The following ADARB2 variants were observed in gnomAD, a reference collection of about 807,000 sequenced individuals.
ADARB2 encodes adenosine deaminase RNA specific B2 (inactive).
Under a neutral mutation model 62.2 loss-of-function variants are expected in ADARB2, and 25 were observed. The ratio of observed to expected loss-of-function variants is 0.40; its 90% CI spans 0.29 to 0.56. The LOEUF (loss-of-function observed/expected upper bound fraction) is 0.56, where lower values mean the gene tolerates loss of function less well. ADARB2 is among the 20% of genes least tolerant of loss of function. The pLI is 0.43. For synonymous variants in ADARB2, 572 were observed against 500.8 expected, an observed-to-expected ratio of 1.14 and a Z score of -1.90; for missense variants, 1,071 against 1,077.4, an observed-to-expected ratio of 0.99 and a Z score of 0.08.
chr10:1,602,704 C>G (rs939618787), intron 1 of ADARB2, among the ~76,000 whole-genome samples: 1 of 74,350 alleles, frequency 1.3e-5, no homozygotes, highest in South Asian at 4.1e-4. Context: ...ATACACACAT[C>G]CACACACATA....
At chr10:1,564,975 C>G (rs1056659781) in intron 1 of ADARB2, among the ~76,000 whole-genome samples, 1 of 152,202 alleles carries the variant, frequency 6.6e-6, no homozygotes, top group Non-Finnish European at 1.5e-5. Flanking sequence ...TGGCCTCGGC[C>G]GTAGACCTGC....
At chr10:1,407,213 G>A (rs996065726) in intron 1 of ADARB2, among the ~76,000 whole-genome samples, 1 of 152,126 alleles carries the variant, frequency 6.6e-6, no homozygotes, top group Non-Finnish European at 1.5e-5. Context: ...TGCTGTTCTC[G>A]GGACAGCACA....
At position 1,415,211 on chromosome 10, in the gene ADARB2, G is replaced by A. The variant is rs559727334; in HGVS notation, c.101-36051C>T. Among the ~76,000 whole-genome samples, 21 of 151,694 alleles carry A rather than the reference G, an allele frequency of 1.4e-4. No homozygotes were observed. In the South Asian group the frequency reaches 3.6e-3, roughly 26 times the overall value. The stretch of plus-strand genomic sequence containing the variant: ...TGGGTGAACAGATGGTGGATGGATG[G>A]GTGGATGGGTGGATGGATGGGAAGA... On this transcript the variant is annotated intron_variant, in intron 1 of 9. Transcript: ENST00000381312.
At chr10:1,643,244 T>C (rs1186713964) in intron 1 of ADARB2, among the ~76,000 whole-genome samples, 1 of 152,100 alleles carries the variant, frequency 6.6e-6, no homozygotes, top group Non-Finnish European at 1.5e-5. Context: ...GCCTAAAGGG[T>C]GTTAATGATG....
chr10:1,412,532 CA>C (rs1191931322), intron 1 of ADARB2, among the ~76,000 whole-genome samples: 2 of 151,786 alleles, frequency 1.3e-5, no homozygotes, highest in Non-Finnish European at 2.9e-5. Context: ...CAAAAAAGTC[CA>C]AAACAGCAGA....
chr10:1,474,026 G>T (rs1831364184), intron 1 of ADARB2, among the ~76,000 whole-genome samples: 1 of 152,290 alleles, frequency 6.6e-6, no homozygotes, highest in Admixed American at 6.5e-5. Context: ...CAGGGGGCTG[G>T]GTAGTTTCTA....
intron 1 of ADARB2, among the ~76,000 whole-genome samples, chr10:1,564,631 A>G (rs1832831883): frequency 6.6e-6 from 1 of 152,214 alleles, no homozygotes; most frequent in African/African-American, 2.4e-5. Flanking sequence ...AAAAGAAGAC[A>G]TTTATGCAGC....
chr10:1,720,170 T>C (rs1183439883), intron 1 of ADARB2, among the ~76,000 whole-genome samples: 1 of 152,196 alleles, frequency 6.6e-6, no homozygotes, highest in Non-Finnish European at 1.5e-5. Flanking sequence ...GAGGTCCACA[T>C]ACACTGTGGA....
intron 1 of ADARB2, among the ~76,000 whole-genome samples, chr10:1,416,714 C>T (rs1832805047): frequency 6.6e-6 from 1 of 152,242 alleles, no homozygotes; most frequent in African/African-American, 2.4e-5. Context: ...TGATGGCAGT[C>T]AACCAGGTGC....
intron 1 of ADARB2, among the ~76,000 whole-genome samples, chr10:1,726,825 A>C (rs996316260): frequency 6.6e-6 from 1 of 152,040 alleles, no homozygotes; most frequent in Non-Finnish European, 1.5e-5. Flanking sequence ...GAGTGTGTGC[A>C]TCCCAGTGAG....
intron 1 of ADARB2, among the ~76,000 whole-genome samples, chr10:1,460,248 G>A (rs879932638): frequency 7.7e-4 from 20 of 26,058 alleles, no homozygotes; most frequent in East Asian, 3.1e-3. Flanking sequence ...GTTTACCTGC[G>A]TAACAAACCT....
chr10:1,420,021 A>C (rs992004628), intron 1 of ADARB2, among the ~76,000 whole-genome samples: 30 of 152,372 alleles, frequency 2.0e-4, no homozygotes, highest in Admixed American at 3.3e-4. Context: ...TGAGAAGATA[A>C]GTAAAATAAA....
rs1474829872 is a variant in ADARB2 at position 1,651,875 on chromosome 10, G to A, written c.100+85176C>T. ...CACGACCCAGGGTTGGTTCCCAGTGGGAGCAGAGCCTGCCCAGGAGAGACC... is the reference window on the plus strand; with the variant it reads ...CACGACCCAGGGTTGGTTCCCAGTGAGAGCAGAGCCTGCCCAGGAGAGACC... On this transcript the variant is annotated intron_variant, in intron 1 of 9. Coordinates refer to ENST00000381312, the MANE Select transcript of ADARB2 (RefSeq NM_018702.4). Among the ~76,000 whole-genome samples the A allele has an allele frequency of 2.6e-5, 4 of 152,256 alleles. No individual in the cohort carries two copies. In the East Asian group the frequency reaches 7.7e-4, roughly 29 times the overall value.
rs922234205 is a variant in ADARB2 at position 1,178,834 on chromosome 10, G to A, written c.*4359C>T. 6.6e-6 allele frequency: 1 copy of A among 152,206 alleles called. No individual in the cohort carries two copies. Among genetic ancestry groups the A allele is most frequent in the Non-Finnish European group, 1.5e-5 (1 of 68,046 alleles). The allele number at this position is 152,206 out of a possible 1,614,324, so 9.4% of individuals were successfully genotyped here. On this transcript the variant is annotated 3_prime_UTR_variant, in exon 10 of 10. Coordinates refer to ENST00000381312, the MANE Select transcript of ADARB2 (RefSeq NM_018702.4). ...GCAGCCTCCCTGAGGGCCGCGGGAA[G>A]CCCACAGAGCCTCACCGGGTTCTGT...
intron 1 of ADARB2, among the ~76,000 whole-genome samples, chr10:1,564,846 C>G (rs2131988432): frequency 6.6e-6 from 1 of 150,938 alleles, no homozygotes; most frequent in East Asian, 1.9e-4. Context: ...AATAGCAATG[C>G]CTTTTGCCTT....
chr10:1,367,545 A>G (rs1003270710), intron 2 of ADARB2, among the ~76,000 whole-genome samples: 1 of 152,182 alleles, frequency 6.6e-6, no homozygotes, highest in Non-Finnish European at 1.5e-5. Context: ...CACTTTGGGT[A>G]TACATATAGC....
chr10:1,357,773 T>C (rs1832210285), intron 3 of ADARB2, among the ~76,000 whole-genome samples: 1 of 152,184 alleles, frequency 6.6e-6, no homozygotes, highest in South Asian at 2.1e-4. Context: ...CTAATACAAA[T>C]AACAGCCAAC....
At chr10:1,338,597 C>T (rs1167072248) in intron 3 of ADARB2, among the ~76,000 whole-genome samples, 1 of 152,144 alleles carries the variant, frequency 6.6e-6, no homozygotes, top group Non-Finnish European at 1.5e-5. Flanking sequence ...CAAACATGGA[C>T]CAGCTAGTTC....
At chr10:1,227,765 AAAG>A (rs1462601512) in intron 6 of ADARB2, among the ~76,000 whole-genome samples, 1 of 152,252 alleles carries the variant, frequency 6.6e-6, no homozygotes, top group African/African-American at 2.4e-5. Context: ...AGGCATGAGA[AAAG>A]AAGAAAATAT....
Sources: allele counts gnomAD v4.1 joint callset (sites outside exome capture counted in the v4.1 genomes callset), GRCh38; gene constraint gnomAD v4.1.1; transcripts MANE v1.5; gene names NCBI Gene and HGNC (gene_info 2026-07-23, HGNC 2026-07-21).